NTM: variants seen among roughly 807,000 people sequenced by gnomAD.
NTM encodes the protein neurotrimin, also known as IgLON family member 2.
NTM carries 13 observed loss-of-function variants against 42.1 expected under a neutral mutation model. The ratio of observed to expected loss-of-function variants is 0.31; its 90% CI spans 0.20 to 0.49. The LOEUF is 0.49. NTM is among the 20% of genes least tolerant of loss of function. NTM has a pLI of 0.99. For missense variants in NTM, 373 were observed against 452.8 expected (o/e 0.82, Z 1.60); for synonymous variants, 187 against 179.2 (o/e 1.04, Z -0.35).
At chr11:132,250,668 C>A (rs1329999759) in intron 4 of NTM, among the ~76,000 whole-genome samples, 1 of 151,930 alleles carries the variant, frequency 6.6e-6, no homozygotes, top group Non-Finnish European at 1.5e-5. Flanking sequence ...TTCTTTTACA[C>A]CTTTACACCA....
rs543728678 is a variant in NTM at position 132,086,769 on chromosome 11, A to T, written c.168-59513A>T. Among the ~76,000 whole-genome samples the T allele has an allele frequency of 8.5e-5, 13 of 152,320 alleles. 1 individual carries two copies. In the South Asian group the frequency reaches 2.7e-3, roughly 32 times the overall value. On this transcript the variant is annotated intron_variant, in intron 2 of 8. Coordinates refer to ENST00000683400, the MANE Select transcript of NTM (RefSeq NM_001352005.2). ...GAGAGGGGCCAAAAGTCCAACAGGT[A>T]AAAAATATTTTACCCTTTTGTCAGT... is the stretch of plus-strand genomic sequence containing the variant.
At chr11:132,019,305 C>T (rs1289052194) in intron 2 of NTM, among the ~76,000 whole-genome samples, 1 of 151,760 alleles carries the variant, frequency 6.6e-6, no homozygotes, top group African/African-American at 2.4e-5. Flanking sequence ...GTATAATGTC[C>T]CTTAAGCACC....
chr11:131,688,545 C>A (rs1407626371), intron 1 of NTM, among the ~76,000 whole-genome samples: 3 of 152,246 alleles, frequency 2.0e-5, no homozygotes, highest in Non-Finnish European at 2.9e-5. Flanking sequence ...CTCCCAGGCA[C>A]ACGCTGGGCA....
At chr11:131,843,177 G>A (rs1249666674) in intron 1 of NTM, among the ~76,000 whole-genome samples, 1 of 152,014 alleles carries the variant, frequency 6.6e-6, no homozygotes, top group Non-Finnish European at 1.5e-5. Context: ...TATTACTAGA[G>A]AAACACAACA....
At position 132,336,689 on chromosome 11, in the gene NTM, C is replaced by G. The variant is rs1375385005; in HGVS notation, c.*1543C>G. 6.6e-6 allele frequency: 1 copy of G among 151,572 alleles called. No homozygotes were observed. Among genetic ancestry groups the G allele is most frequent in the Non-Finnish European group, 1.5e-5 (1 of 67,830 alleles). The allele number at this position is 151,572 out of a possible 1,614,324, so 9.4% of individuals were successfully genotyped here. On this transcript the variant is annotated 3_prime_UTR_variant, in exon 9 of 9. Coordinates refer to ENST00000683400, the MANE Select transcript of NTM (RefSeq NM_001352005.2). ...AGGTAATCTTTTTTTTTTTTCCCCT[C>G]CCCTGAAAGTCTGGGAACCTGAGAG...
intron 4 of NTM, among the ~76,000 whole-genome samples, chr11:132,238,628 C>T (rs959502902): frequency 1.3e-5 from 2 of 152,282 alleles, no homozygotes; most frequent in African/African-American, 4.8e-5. Context: ...TTGCTGAGCT[C>T]ATAGCAGCCT....
chr11:131,882,309 A>G (rs2049666320), intron 1 of NTM, among the ~76,000 whole-genome samples: 1 of 152,236 alleles, frequency 6.6e-6, no homozygotes, highest in African/African-American at 2.4e-5. Flanking sequence ...CTGGTGTCCC[A>G]GCTCAGGTCC....
At chr11:131,866,186 G>C (rs1221206925) in intron 1 of NTM, among the ~76,000 whole-genome samples, 1 of 151,810 alleles carries the variant, frequency 6.6e-6, no homozygotes, top group African/African-American at 2.4e-5. Flanking sequence ...ACCACATGCT[G>C]TTCACACCCT....
intron 1 of NTM, among the ~76,000 whole-genome samples, chr11:131,432,754 C>T (rs1332871986): frequency 1.3e-5 from 2 of 151,214 alleles, no homozygotes; most frequent in Non-Finnish European, 2.9e-5. Flanking sequence ...GGATATTTAC[C>T]TCCAGATTTC....
intron 1 of NTM, among the ~76,000 whole-genome samples, chr11:131,477,785 A>C (rs1251575203): frequency 6.6e-6 from 1 of 151,216 alleles, no homozygotes; most frequent in Admixed American, 6.6e-5. Context: ...GTATCAGTCT[A>C]CTCCCTGCTC....
chr11:132,336,580 C>T lies in NTM; in HGVS notation c.*1434C>T, dbSNP rs1214756825. The T allele has an allele frequency of 6.6e-6, 1 of 152,638 alleles. No individual in the cohort carries two copies. Among genetic ancestry groups the T allele is most frequent in the Non-Finnish European group, 1.5e-5 (1 of 68,046 alleles). 9.5% of individuals were successfully genotyped at this position (152,638 alleles called of 1,614,324 possible). A position where few individuals can be genotyped will look rare whatever the true frequency, so the allele number is the denominator to read the frequency against. ...ATGGGAATCTCTGATGCCTTTGTGA[C>T]CACTGGAGAGTTTAATCCTCTTGGT... On this transcript the variant is annotated 3_prime_UTR_variant, in exon 9 of 9. Coordinates refer to ENST00000683400, the MANE Select transcript of NTM (RefSeq NM_001352005.2).
intron 4 of NTM, among the ~76,000 whole-genome samples, chr11:132,217,378 G>GTT (rs2084094913): frequency 2.0e-5 from 3 of 151,438 alleles, no homozygotes; most frequent in African/African-American, 7.3e-5. Flanking sequence ...GTGTGTGTGT[G>GTT]TGTGTGTGTG....
chr11:131,710,551 C>G (rs756522383), intron 1 of NTM, among the ~76,000 whole-genome samples: 3 of 152,116 alleles, frequency 2.0e-5, no homozygotes, highest in Non-Finnish European at 2.9e-5. Flanking sequence ...GTCATGATAT[C>G]TACTCAAACA....
intron 2 of NTM, among the ~76,000 whole-genome samples, chr11:132,065,720 C>T (rs2056372219): frequency 6.6e-6 from 1 of 152,120 alleles, no homozygotes; most frequent in Non-Finnish European, 1.5e-5. Flanking sequence ...TTCCTACTTG[C>T]TTACTTTCTG....
rs184420382 is a variant in NTM, at chr11:131,847,864, G to A, written c.83-63700G>A. On this transcript the variant is annotated intron_variant, in intron 1 of 8. Transcript: ENST00000683400. ...CCATCCCTCAATATCATCCTCAACT[G>A]TCAATACTTCAAATATTTTAACTGT... Among the ~76,000 whole-genome samples, 37 of 152,260 alleles carry A rather than the reference G, an allele frequency of 2.4e-4. No homozygotes were observed. The East Asian group carries it at 7.0e-3, about 29-fold the overall frequency.
At chr11:132,016,248 A>C (rs2073390265) in intron 2 of NTM, among the ~76,000 whole-genome samples, 1 of 151,750 alleles carries the variant, frequency 6.6e-6, no homozygotes, top group Admixed American at 6.6e-5. Context: ...TGATTTTTTA[A>C]AGTGAATGTA....
At chr11:131,620,345 A>G (rs368204036) in intron 1 of NTM, among the ~76,000 whole-genome samples, 1 of 151,876 alleles carries the variant, frequency 6.6e-6, no homozygotes, top group African/African-American at 2.4e-5. Flanking sequence ...ACCTCTTCCC[A>G]TCTCCCTTCC....
intron 1 of NTM, among the ~76,000 whole-genome samples, chr11:131,861,024 A>T (rs1169672036): frequency 1.4e-4 from 22 of 152,122 alleles, no homozygotes; most frequent in Admixed American, 1.4e-3. Flanking sequence ...CTTAGGGTGT[A>T]ATCTTAGTCC....
At chr11:131,471,826 C>T (rs553578382) in intron 1 of NTM, among the ~76,000 whole-genome samples, 72 of 152,288 alleles carry the variant, frequency 4.7e-4, no homozygotes, top group African/African-American at 1.2e-3. Context: ...GGATTTACTC[C>T]GATCACCAGC....
Sources: allele counts gnomAD v4.1 joint callset (sites outside exome capture counted in the v4.1 genomes callset), GRCh38; gene constraint gnomAD v4.1.1; transcripts MANE v1.5; gene names NCBI Gene and HGNC (gene_info 2026-07-23, HGNC 2026-07-21).